Variants in PXT1 observed in about 807,000 individuals in gnomAD.
PXT1 encodes peroxisomal testis-specific protein 1.
Under a neutral mutation model 11.0 loss-of-function variants are expected in PXT1, and 11 were observed. That is an observed-to-expected ratio of 1.00 (90% CI 0.63 to 1.66). The LOEUF (loss-of-function observed/expected upper bound fraction) is 1.66. Among genes scored for constraint, PXT1 ranks in the 40% most tolerant of loss-of-function variants. The pLI is 0.00. For missense variants in PXT1, 141 were observed against 155.5 expected (o/e 0.91, Z 0.49); for synonymous variants, 43 against 51.4 (o/e 0.84, Z 0.70).
chr6:36,423,372 C>A (rs1031667980), intron 3 of PXT1, among the ~76,000 whole-genome samples: 1 of 152,266 alleles, frequency 6.6e-6, no homozygotes, highest in Non-Finnish European at 1.5e-5. Context: ...CCAGTGAGAA[C>A]CCCGCTCCCG....
Position 36,400,487 on chromosome 6 carries a change from A to C in PXT1, c.267T>G (p.Ile89Met). 1 of 1,613,962 alleles carries C rather than the reference A, an allele frequency of 6.2e-7. No homozygotes were observed. The highest frequency in any genetic ancestry group is 8.5e-7 in the Non-Finnish European group (1 of 1,179,890). ...CCATCCTATGATCAATGTTGTCCCC[A>C]ATGTGTCTCAGCTGCATGGCCAACT... Reference protein sequence around the residue: ...IHKLAMQLRHIGDNIDHRMVR... With the variant: ...IHKLAMQLRHMGDNIDHRMVR... The change falls in exon 4 of 5, where the codon ATT becomes ATG. Residue 89 changes from isoleucine to methionine, a missense_variant. Physicochemically the swap from Ile to Met is conservative, Grantham distance 10. Transcript: ENST00000454782.
chr6:36,425,715 G>A (rs1461064229), intron 3 of PXT1, among the ~76,000 whole-genome samples, 199 bp downstream of exon 3: 1 of 151,550 alleles, frequency 6.6e-6, no homozygotes, highest in African/African-American at 2.4e-5. Flanking sequence ...TTAAACCCAG[G>A]AGCCAGAAGT....
chr6:36,432,315 A>G (rs1774704540), intron 2 of PXT1, among the ~76,000 whole-genome samples: 1 of 152,184 alleles, frequency 6.6e-6, no homozygotes, highest in South Asian at 2.1e-4. Flanking sequence ...CAAGGCATGT[A>G]AAGAACTAAA....
chr6:36,412,992 A>G (rs1312372036), intron 3 of PXT1, among the ~76,000 whole-genome samples: 1 of 152,170 alleles, frequency 6.6e-6, no homozygotes, highest in Non-Finnish European at 1.5e-5. Context: ...GAGAAAAGAT[A>G]GGTAATACAG....
At chr6:36,395,727 C>T (rs189077095) in intron 4 of PXT1, among the ~76,000 whole-genome samples, 62 of 152,124 alleles carry the variant, frequency 4.1e-4, no homozygotes, top group Non-Finnish European at 6.8e-4. Flanking sequence ...AGGCTGAGCG[C>T]GGTGGCTCAC....
At position 36,439,278 on chromosome 6, in the gene PXT1, G is replaced by A. The variant is rs150634448; in HGVS notation, c.-129-392C>T. On this transcript the variant is annotated intron_variant, in intron 1 of 4. Transcript: ENST00000454782. The stretch of plus-strand genomic sequence containing the variant: ...CTCCCAAAGTACTGGGATTACAGGC[G>A]TCCGGCCTATTTTCTTTTCCAAATG... Among the ~76,000 whole-genome samples the A allele has an allele frequency of 2.8e-3, 419 of 151,734 alleles. 3 individuals carry two copies. Among genetic ancestry groups the A allele is most frequent in the African/African-American group, 9.1e-3 (378 of 41,406 alleles).
chr6:36,441,149 A>G (rs1288058651), intron 1 of PXT1, among the ~76,000 whole-genome samples: 1 of 151,976 alleles, frequency 6.6e-6, no homozygotes, highest in Non-Finnish European at 1.5e-5. Context: ...ATACAAATCT[A>G]CGGGAAGGAA....
chr6:36,430,068 G>A (rs143341010), intron 2 of PXT1, among the ~76,000 whole-genome samples: 9 of 152,028 alleles, frequency 5.9e-5, no homozygotes, highest in Admixed American at 1.3e-4. Flanking sequence ...TTGGCCAGGC[G>A]TAGTGGCGCA....
At chr6:36,411,280 G>A (rs7746792) in intron 3 of PXT1, among the ~76,000 whole-genome samples, 37,173 of 151,742 alleles carry the variant, frequency 0.24, 4,610 homozygotes, top group East Asian at 0.39. Flanking sequence ...TGAAACCCCC[G>A]TCTCTACTAA....
chr6:36,426,668 C>A (rs1582268617), intron 2 of PXT1, among the ~76,000 whole-genome samples: 1 of 152,176 alleles, frequency 6.6e-6, no homozygotes, highest in Non-Finnish European at 1.5e-5. Flanking sequence ...CAGCACCTGG[C>A]CTCTTCTCTT....
In PXT1 at chr6:36,421,985, A is replaced by G. The variant is rs147985643; in HGVS notation, c.169+3929T>C. ...CATGTGATCTCTCACTACTTTGTCT[A>G]CAGCACTTTTAGTTCTATTGAGATA... On this transcript the variant is annotated intron_variant, in intron 3 of 4. Coordinates refer to ENST00000454782, the MANE Select transcript of PXT1 (RefSeq NM_152990.4). Among the ~76,000 whole-genome samples, 193 of 152,350 alleles carry G rather than the reference A, an allele frequency of 1.3e-3. 1 individual carries two copies. Among genetic ancestry groups the G allele is most frequent in the African/African-American group, 4.1e-3 (171 of 41,578 alleles).
intron 4 of PXT1, among the ~76,000 whole-genome samples, chr6:36,394,877 C>CT (rs1236820956): frequency 6.6e-6 from 1 of 152,050 alleles, no homozygotes. Context: ...TCATAGCTCA[C>CT]TACGGCCTCG....
At position 36,391,585 on chromosome 6, in the gene PXT1, T is replaced by G. The variant is rs561351677; in HGVS notation, c.*185A>C. 1.6e-6 allele frequency: 1 copy of G among 613,270 alleles called. No homozygotes were observed. The highest frequency in any genetic ancestry group is 1.9e-5 in the South Asian group (1 of 52,422). 38.0% of individuals were successfully genotyped at this position (613,270 alleles called of 1,614,324 possible). A position where few individuals can be genotyped will look rare whatever the true frequency, so the allele number is the denominator to read the frequency against. On this transcript the variant is annotated 3_prime_UTR_variant, in exon 5 of 5. Coordinates refer to ENST00000454782, the MANE Select transcript of PXT1 (RefSeq NM_152990.4). The stretch of plus-strand genomic sequence containing the variant: ...TGATCGCAGACATCTCATAGCTAGC[T>G]CCTCCGAAGAGACAAATGGCTCGTG...
At chr6:36,428,838 T>A (rs1239343585) in intron 2 of PXT1, among the ~76,000 whole-genome samples, 1 of 152,072 alleles carries the variant, frequency 6.6e-6, no homozygotes, top group Non-Finnish European at 1.5e-5. Context: ...GTATTTTTAG[T>A]AGAGACGGGG....
rs769757860 is a variant in PXT1 at position 36,391,436 on chromosome 6, C to G, written c.*334G>C. On this transcript the variant is annotated 3_prime_UTR_variant, in exon 5 of 5. Coordinates refer to ENST00000454782, the MANE Select transcript of PXT1 (RefSeq NM_152990.4). ...TTAGTTTGAGGACGAGGTTCTCTTT[C>G]ATTCCTGGAAGGAAATGTTCAAGGT... 9.3e-5 allele frequency: 24 copies of G among 258,404 alleles called. No homozygotes were observed. Among genetic ancestry groups the G allele is most frequent in the Admixed American group, 2.7e-4 (5 of 18,452 alleles). 16.0% of individuals were successfully genotyped at this position (258,404 alleles called of 1,614,324 possible). A position where few individuals can be genotyped will look rare whatever the true frequency, so the allele number is the denominator to read the frequency against.
chr6:36,396,393 G>T (rs578086067), intron 4 of PXT1, among the ~76,000 whole-genome samples: 1 of 152,258 alleles, frequency 6.6e-6, no homozygotes, highest in African/African-American at 2.4e-5. Context: ...ACCCTCAGGG[G>T]CCCCAGGAAG....
chr6:36,437,820 C>CTTTTT (rs375905408), intron 2 of PXT1, among the ~76,000 whole-genome samples: 1 of 79,424 alleles, frequency 1.3e-5, no homozygotes, highest in African/African-American at 5.7e-5. Flanking sequence ...CCAGCCACTG[C>CTTTTT]TTTTTTTTTT....
At chr6:36,415,911 TGGAAGAAGTGA>T (rs1774439866) in intron 3 of PXT1, among the ~76,000 whole-genome samples, 1 of 152,110 alleles carries the variant, frequency 6.6e-6, no homozygotes, top group Non-Finnish European at 1.5e-5. Flanking sequence ...TAAGGAAGTC[TGGAAGAAGTGA>T]GAGGAAGATT....
chr6:36,423,055 C>T (rs1774545169), intron 3 of PXT1, among the ~76,000 whole-genome samples: 1 of 152,158 alleles, frequency 6.6e-6, no homozygotes, highest in Admixed American at 6.5e-5. Flanking sequence ...TTTGAATTCC[C>T]CATACAAAAA....
Sources: gnomAD v4.1 joint callset for allele counts (sites outside exome capture counted in the v4.1 genomes callset) on GRCh38, gnomAD v4.1.1 for gene constraint, MANE v1.5 for transcripts, NCBI Gene and HGNC (gene_info 2026-07-23, HGNC 2026-07-21) for gene names.